Variants in PLPPR3 observed in about 807,000 individuals in gnomAD.
PLPPR3 encodes the protein phospholipid phosphatase-related protein type 3.
PLPPR3 carries 14 observed loss-of-function variants against 27.3 expected under a neutral mutation model. The ratio of observed to expected loss-of-function variants is 0.51; its 90% CI spans 0.34 to 0.80. The LOEUF is 0.80. PLPPR3 is among the 30% of genes least tolerant of loss of function. The pLI is 0.01. For synonymous variants in PLPPR3, 671 were observed against 508.0 expected (o/e 1.32, Z -4.32); for missense variants, 1,287 against 1,056.9 (o/e 1.22, Z -3.02).
chr19:816,881 C>T (rs1320919624), intron 2 of PLPPR3, among the ~76,000 whole-genome samples: 1 of 151,814 alleles, frequency 6.6e-6, no homozygotes, highest in Non-Finnish European at 1.5e-5. Context: ...CCCATGCAGC[C>T]ATCCATCTAT....
At chr19:820,493 AGG>A (rs142326107) in intron 2 of PLPPR3, among the ~76,000 whole-genome samples, 5,240 of 150,144 alleles carry the variant, frequency 0.035, 299 homozygotes, top group African/African-American at 0.12. Flanking sequence ...CGCACAGGGC[AGG>A]GGGCTCCATT....
Position 814,745 on chromosome 19 carries a change from T to C in PLPPR3, c.604A>G (p.Thr202Ala). The C allele has an allele frequency of 6.4e-7, 1 of 1,571,676 alleles. No individual in the cohort carries two copies. The highest frequency in any genetic ancestry group is 8.6e-7 in the Non-Finnish European group (1 of 1,162,620). ...AGCGTGGCGTGCTGGGACGGGAAGG[T>C]CTTCCTGTAAGAGGCGTCCAGCGTG... ...DIHAILSARK[T>A]FPSQHATLSA... The change falls in exon 6 of 8, where the codon ACC becomes GCC. Residue 202 changes from threonine to alanine, a missense_variant. Physicochemically the swap from Thr to Ala is moderately conservative, Grantham distance 58. Coordinates refer to ENST00000520876, the MANE Select transcript of PLPPR3 (RefSeq NM_001270366.2).
At chr19:821,353 C>T in intron 2 of PLPPR3, 132 bp downstream of exon 2, 1 of 635,330 alleles carries the variant, frequency 1.6e-6, no homozygotes, top group Non-Finnish European at 2.5e-6. Context: ...ATCCGCCGGA[C>T]ACCCCGGTCC....
chr19:820,068 G>A (rs2035122731), intron 2 of PLPPR3, among the ~76,000 whole-genome samples: 1 of 152,104 alleles, frequency 6.6e-6, no homozygotes, highest in African/African-American at 2.4e-5. Flanking sequence ...GGCTAGTCTT[G>A]AACTCTTGGG....
Position 812,862 on chromosome 19 carries a change from C to G in PLPPR3, c.1865G>C (p.Gly622Ala). 2 of 1,173,872 alleles carry G rather than the reference C, an allele frequency of 1.7e-6. No homozygotes were observed. Among genetic ancestry groups the G allele is most frequent in the Non-Finnish European group, 2.1e-6 (2 of 947,588 alleles). 72.7% of individuals were successfully genotyped at this position (1,173,872 alleles called of 1,614,324 possible). A position where few individuals can be genotyped will look rare whatever the true frequency, so the allele number is the denominator to read the frequency against. ...GCCGCGGAAGCCGCGCGCCAGGTCCCCCAGCTCGTAGCCGCCGTCGGCCTC... is the reference window on the plus strand; with the variant it reads ...GCCGCGGAAGCCGCGCGCCAGGTCCGCCAGCTCGTAGCCGCCGTCGGCCTC... The part of the protein sequence containing the change: ...KAEADGGYEL[G>A]DLARGFRGGA... Residue 622 changes from glycine (G) to alanine (A), a missense_variant, in exon 8 of 8, where the codon GGG becomes GCG. By Grantham distance (60) the Gly-to-Ala change is moderately conservative. Transcript: ENST00000520876.
chr19:814,091 C>T (rs1245818408), intron 7 of PLPPR3, among the ~76,000 whole-genome samples, 196 bp from the exon 8 acceptor site: 3 of 152,054 alleles, frequency 2.0e-5, no homozygotes, highest in Non-Finnish European at 2.9e-5. Flanking sequence ...CTGACTCCAG[C>T]ATTCCAAGGG....
At chr19:816,804 ACC>A (rs2145075080) in intron 2 of PLPPR3, among the ~76,000 whole-genome samples, 1 of 106,016 alleles carries the variant, frequency 9.4e-6, no homozygotes, top group South Asian at 3.2e-4. Context: ...ACCCAACAGT[ACC>A]CATCCATCCA....
In PLPPR3 at chr19:812,912, C is replaced by A. The variant is rs2034959714; in HGVS notation, c.1815G>T (p.Lys605Asn). ...LSAGGAPWEW[K>N]AAGGGAKAEA... Reference sequence around the variant, plus strand: ...CCGCCTTGGCCCCGCCGCCCGCCGCCTTCCACTCCCAGGGCGCGCCGCCGG... The same window carrying A: ...CCGCCTTGGCCCCGCCGCCCGCCGCATTCCACTCCCAGGGCGCGCCGCCGG... The change falls in exon 8 of 8, where the codon AAG (lysine) becomes AAT (asparagine). Residue 605 changes from lysine (K) to asparagine (N), a missense_variant. By Grantham distance (94) the Lys-to-Asn change is moderately conservative. Coordinates refer to ENST00000520876, the MANE Select transcript of PLPPR3 (RefSeq NM_001270366.2). 2 of 1,310,274 alleles carry A rather than the reference C, an allele frequency of 1.5e-6. No individual in the cohort carries two copies. The highest frequency in any genetic ancestry group is 1.9e-6 in the Non-Finnish European group (2 of 1,025,706). 81.2% of individuals were successfully genotyped at this position (1,310,274 alleles called of 1,614,324 possible).
intron 2 of PLPPR3, among the ~76,000 whole-genome samples, chr19:819,444 C>T (rs2035113318): frequency 6.6e-6 from 1 of 151,884 alleles, no homozygotes; most frequent in Non-Finnish European, 1.5e-5. Context: ...CTACGACCAC[C>T]ATGCCCAGCT....
chr19:819,011 C>G (rs1161750694), intron 2 of PLPPR3, among the ~76,000 whole-genome samples: 2 of 106,878 alleles, frequency 1.9e-5, no homozygotes, highest in Admixed American at 1.0e-4. Flanking sequence ...GAGTCTTGCT[C>G]TCTTGCCCAA....
rs757959111 is a variant in PLPPR3, at chr19:813,054, G to A, written c.1673C>T (p.Ser558Leu). The change falls in exon 8 of 8, where the codon TCG becomes TTG. Residue 558 changes from serine (S) to leucine (L), a missense_variant. By Grantham distance (145) the Ser-to-Leu change is moderately radical. Coordinates refer to ENST00000520876, the MANE Select transcript of PLPPR3 (RefSeq NM_001270366.2). The surrounding 1 kb of genome is among the most constrained non-coding windows in gnomAD (Gnocchi z 4.1). ...APGPKAAETA[S>L]SSSASSDSSQ... ...GGAGTCGGAGCTGGCGCTGGACGAC[G>A]ACGCCGTCTCGGCCGCCTTGGGGCC... 8.6e-6 allele frequency: 13 copies of A among 1,505,540 alleles called. No homozygotes were observed. In the East Asian group the frequency reaches 2.6e-4, roughly 31 times the overall value. The allele number at this position is 1,505,540 out of a possible 1,614,324, so 93.3% of individuals were successfully genotyped here.
At chr19:816,954 A>C (rs2035072822) in intron 2 of PLPPR3, among the ~76,000 whole-genome samples, 4 of 124,674 alleles carry the variant, frequency 3.2e-5, no homozygotes, top group African/African-American at 2.8e-5. Context: ...CTATCCATCC[A>C]CCCATCCATC....
chr19:819,274 G>A (rs1045514403), intron 2 of PLPPR3, among the ~76,000 whole-genome samples: 1 of 45,244 alleles, frequency 2.2e-5, no homozygotes, highest in Non-Finnish European at 3.6e-5. Flanking sequence ...ACTGCACCCA[G>A]CCTACTTTTT....
chr19:822,273 C>A (rs911644368), upstream of PLPPR3, among the ~76,000 whole-genome samples: 10 of 151,154 alleles, frequency 6.6e-5, no homozygotes, highest in African/African-American at 2.4e-4. Context: ...GCCCGGGGGG[C>A]GCCATCGAGA....
chr19:819,296 T>TTTTTTTC (rs928213781), intron 2 of PLPPR3, among the ~76,000 whole-genome samples: 41 of 136,050 alleles, frequency 3.0e-4, no homozygotes, highest in African/African-American at 4.3e-4. Context: ...TTTTTTTTTT[T>TTTTTTTC]CCGAGATGGA....
chr19:815,541 C>T (rs1823683176), intron 3 of PLPPR3, 125 bp downstream of exon 3: 7 of 1,171,480 alleles, frequency 6.0e-6, no homozygotes, highest in Non-Finnish European at 5.9e-6. Flanking sequence ...TGCCCACAGG[C>T]TGGCACAGGC....
Position 813,359 on chromosome 19 carries a change from TTCCTCC to T in PLPPR3, c.1362_1367del (p.Glu458_Glu459del), listed in dbSNP as rs751140940. ...GGGCCGGGCCCTCGTCCTCCTCCTC[TTCCTCC>T]TCCTCCTCTTCCTCTTCGTCCTCCT... is the stretch of plus-strand genomic sequence containing the variant. On this transcript the variant is annotated inframe_deletion, in exon 8 of 8. Transcript: ENST00000520876. The surrounding 1 kb of genome is among the most constrained non-coding windows in gnomAD (Gnocchi z 4.1). The T allele has an allele frequency of 1.6e-5, 24 of 1,485,384 alleles. No individual in the cohort carries two copies. The highest frequency in any genetic ancestry group is 2.2e-4 in the Middle Eastern group (1 of 4,486). The allele number at this position is 1,485,384 out of a possible 1,614,324, so 92.0% of individuals were successfully genotyped here.
intron 5 of PLPPR3, 30 bp downstream of exon 5, chr19:814,856 C>A (rs766740271): frequency 6.3e-7 from 1 of 1,598,288 alleles, no homozygotes. Flanking sequence ...AAGAAGGCTC[C>A]CAGTCAGGGG....
chr19:815,555 G>A lies in PLPPR3; in HGVS notation c.261+111C>T, dbSNP rs559784133. On this transcript the variant is annotated intron_variant, in intron 3 of 7. Transcript: ENST00000520876. ...GTGCCCACAGGCTGGCACAGGCCCCGGTGTGGATGTTCACCGACAGGCCCC... is the reference window on the plus strand; with the variant it reads ...GTGCCCACAGGCTGGCACAGGCCCCAGTGTGGATGTTCACCGACAGGCCCC... 827 of 1,238,598 alleles carry A rather than the reference G, an allele frequency of 6.7e-4. 8 individuals are homozygous for A. The African/African-American group carries it at 0.01, about 16-fold the overall frequency. 76.7% of individuals were successfully genotyped at this position (1,238,598 alleles called of 1,614,324 possible).
Sources: gnomAD v4.1 joint callset for allele counts (sites outside exome capture counted in the v4.1 genomes callset) on GRCh38, gnomAD v4.1.1 for gene constraint, Gnocchi (gnomAD v3.1) non-coding constraint, MANE v1.5 for transcripts, NCBI Gene and HGNC (gene_info 2026-07-23, HGNC 2026-07-21) for gene names.